The following SPON1 variants were observed in gnomAD, a reference collection of about 807,000 sequenced individuals.
The protein encoded by SPON1 is spondin 1.
SPON1 carries 52 observed loss-of-function variants against 111.7 expected under a neutral mutation model. The ratio of observed to expected loss-of-function variants is 0.47; its 90% confidence interval spans 0.37 to 0.59. The LOEUF is 0.59. Among genes scored for constraint, SPON1 ranks in the 20% least tolerant of loss-of-function variants. SPON1 has a pLI of 0.00. For missense variants in SPON1, 957 were observed against 1,068.5 expected (o/e 0.90, Z 1.46); for synonymous variants, 410 against 395.8 (o/e 1.04, Z -0.43).
intron 3 of SPON1, among the ~76,000 whole-genome samples, chr11:14,043,194 T>C (rs1848644808): frequency 6.6e-6 from 1 of 152,162 alleles, no homozygotes; most frequent in Admixed American, 6.5e-5. Context: ...CAGCTGCCAT[T>C]ACTAGCATTT....
chr11:13,978,935 C>T (rs1197856847), intron 1 of SPON1, among the ~76,000 whole-genome samples: 1 of 152,202 alleles, frequency 6.6e-6, no homozygotes, highest in Non-Finnish European at 1.5e-5. Flanking sequence ...GGAGTTTGAG[C>T]TTTGTCCTAA....
chr11:13,979,917 G>T, intron 1 of SPON1, among the ~76,000 whole-genome samples: 1 of 151,692 alleles, frequency 6.6e-6, no homozygotes. Flanking sequence ...CTTTTTGGCT[G>T]TCTGTCTGTC....
At chr11:14,260,450 T>C (rs782360747) in intron 13 of SPON1, 138 bp from the exon 14 acceptor site, 7 of 861,414 alleles carry the variant, frequency 8.1e-6, no homozygotes, top group Non-Finnish European at 1.2e-5. Flanking sequence ...GATTTCACTC[T>C]TATTTGAACC....
At chr11:14,156,226 G>A (rs1410397773) in intron 6 of SPON1, among the ~76,000 whole-genome samples, 3 of 145,894 alleles carry the variant, frequency 2.1e-5, no homozygotes, top group Non-Finnish European at 3.0e-5. Context: ...GTTTTGATTT[G>A]CATTTCTCTG....
intron 3 of SPON1, among the ~76,000 whole-genome samples, chr11:14,053,378 A>C: frequency 6.6e-6 from 1 of 152,148 alleles, no homozygotes. Flanking sequence ...TTGATATTTC[A>C]TATAAATGGA....
chr11:14,240,749 T>C (rs550050099), intron 6 of SPON1, among the ~76,000 whole-genome samples: 1 of 152,246 alleles, frequency 6.6e-6, no homozygotes, highest in South Asian at 2.1e-4. Flanking sequence ...CCACCTTCAC[T>C]CCACCCACAT....
intron 7 of SPON1, among the ~76,000 whole-genome samples, chr11:14,253,638 C>T (rs1185064227): frequency 6.6e-5 from 10 of 152,242 alleles, no homozygotes; most frequent in Non-Finnish European, 1.5e-5. Context: ...CTGGACTGAA[C>T]AGAACAGTTG....
chr11:13,986,047 T>A (rs1848180055), intron 2 of SPON1, among the ~76,000 whole-genome samples: 1 of 152,246 alleles, frequency 6.6e-6, no homozygotes, highest in African/African-American at 2.4e-5. Flanking sequence ...GAGTCCTTGA[T>A]TTATTCAGCA....
intron 5 of SPON1, among the ~76,000 whole-genome samples, chr11:14,121,681 C>T (rs1847390754): frequency 6.6e-6 from 1 of 152,148 alleles, no homozygotes; most frequent in Non-Finnish European, 1.5e-5. Context: ...ACATATTTCC[C>T]ATTTCCAGCA....
intron 2 of SPON1, among the ~76,000 whole-genome samples, chr11:14,004,867 CATA>C (rs1460783054): frequency 1.3e-5 from 2 of 151,978 alleles, no homozygotes; most frequent in Admixed American, 6.6e-5. Flanking sequence ...AGTGCAGTGG[CATA>C]ATAATAGCTC....
chr11:14,225,189 C>T (rs549104729), intron 6 of SPON1, among the ~76,000 whole-genome samples: 1 of 152,082 alleles, frequency 6.6e-6, no homozygotes, highest in Non-Finnish European at 1.5e-5. Context: ...AAATGTCACA[C>T]TCGGGCATAC....
At chr11:14,129,799 G>C (rs1489151505) in intron 5 of SPON1, among the ~76,000 whole-genome samples, 1 of 152,126 alleles carries the variant, frequency 6.6e-6, no homozygotes, top group African/African-American at 2.4e-5. Context: ...GTTCGACATG[G>C]CTGGGGAGGC....
chr11:14,000,587 GT>G (rs782289146), intron 2 of SPON1, among the ~76,000 whole-genome samples: 1 of 152,078 alleles, frequency 6.6e-6, no homozygotes, highest in Non-Finnish European at 1.5e-5. Flanking sequence ...GAAACAAGTT[GT>G]TTTTTCATCA....
chr11:14,090,464 G>T (rs1591372784), intron 5 of SPON1, among the ~76,000 whole-genome samples: 1 of 152,324 alleles, frequency 6.6e-6, no homozygotes, highest in Non-Finnish European at 1.5e-5. Context: ...TTAAGGTGGT[G>T]TGTCTGGAGT....
chr11:14,074,858 C>A (rs1388272090), intron 3 of SPON1, among the ~76,000 whole-genome samples: 1 of 152,170 alleles, frequency 6.6e-6, no homozygotes, highest in Non-Finnish European at 1.5e-5. Context: ...TTTGTCTAGA[C>A]TTTCAGGAAA....
At chr11:14,102,117 A>G (rs1300344894) in intron 5 of SPON1, among the ~76,000 whole-genome samples, 3 of 152,240 alleles carry the variant, frequency 2.0e-5, no homozygotes, top group African/African-American at 4.8e-5. Context: ...CTCTTACAAA[A>G]TTACAATACA....
At chr11:14,241,720 T>C (rs1055090763) in intron 6 of SPON1, among the ~76,000 whole-genome samples, 2 of 152,144 alleles carry the variant, frequency 1.3e-5, no homozygotes, top group African/African-American at 4.8e-5. Flanking sequence ...TTGTGTTCCA[T>C]ATATGACTTC....
At chr11:14,036,013 T>C (rs1409188144) in intron 2 of SPON1, among the ~76,000 whole-genome samples, 1 of 151,994 alleles carries the variant, frequency 6.6e-6, no homozygotes, top group Non-Finnish European at 1.5e-5. Flanking sequence ...GCTTTGGAAA[T>C]AGGAATTGAC....
intron 6 of SPON1, among the ~76,000 whole-genome samples, chr11:14,201,031 A>G (rs1012415352): frequency 2.6e-5 from 4 of 151,816 alleles, no homozygotes; most frequent in African/African-American, 9.7e-5. Flanking sequence ...ATATCTGTAA[A>G]ATAGGGATAC....
Sources: allele counts gnomAD v4.1 joint callset (sites outside exome capture counted in the v4.1 genomes callset), GRCh38; gene constraint gnomAD v4.1.1; transcripts MANE v1.5; gene names NCBI Gene and HGNC (gene_info 2026-07-23, HGNC 2026-07-21).